Variants in WDFY3 observed in about 807,000 individuals in gnomAD.
WDFY3 encodes the protein WD repeat and FYVE domain-containing protein 3.
Under a neutral mutation model 409.6 loss-of-function variants are expected in WDFY3, and 66 were observed. That is an observed-to-expected ratio of 0.16 (90% CI 0.13 to 0.20). WDFY3 has a LOEUF of 0.20. WDFY3 is among the 10% of genes least tolerant of loss of function. WDFY3 has a pLI of 1.00. For missense variants in WDFY3, 3,031 were observed against 4,298.1 expected (o/e 0.71, Z 8.24); for synonymous variants, 1,521 against 1,537.1 (o/e 0.99, Z 0.25).
intron 13 of WDFY3, among the ~76,000 whole-genome samples, chr4:84,811,289 G>A (rs373757070): frequency 2.6e-5 from 4 of 152,172 alleles, no homozygotes; most frequent in African/African-American, 9.6e-5. Flanking sequence ...GTGAGCCACC[G>A]CCCTGGCCAG....
chr4:84,812,590 T>G (rs1752683357), intron 13 of WDFY3, among the ~76,000 whole-genome samples: 1 of 152,124 alleles, frequency 6.6e-6, no homozygotes. Flanking sequence ...CTATCATCAA[T>G]TTTCAAAAAC....
At chr4:84,954,923 G>A (rs1289527134) in intron 1 of WDFY3, among the ~76,000 whole-genome samples, 2 of 152,126 alleles carry the variant, frequency 1.3e-5, no homozygotes, top group Non-Finnish European at 2.9e-5. Context: ...AGCTCCCAGT[G>A]GCCAGGCACA....
At chr4:84,866,029 C>G (rs1279003357) in intron 3 of WDFY3, among the ~76,000 whole-genome samples, 3 of 152,072 alleles carry the variant, frequency 2.0e-5, no homozygotes, top group African/African-American at 7.2e-5. Flanking sequence ...CATGAGCATG[C>G]CACTGTACTC....
At position 84,803,412 on chromosome 4, in the gene WDFY3, C is replaced by T. The variant is rs368147903; in HGVS notation, c.2485G>A (p.Asp829Asn). 50 of 1,613,762 alleles carry T rather than the reference C, an allele frequency of 3.1e-5. No individual in the cohort carries two copies. The highest frequency in any genetic ancestry group is 1.6e-4 in the Middle Eastern group (1 of 6,080). Residue 829 changes from aspartate (D) to asparagine (N), a missense_variant, in exon 16 of 68, where the codon GAC (aspartate) becomes AAC (asparagine). By Grantham distance (23) the Asp-to-Asn change is conservative. Coordinates refer to ENST00000295888, the MANE Select transcript of WDFY3 (RefSeq NM_014991.6). The stretch of plus-strand genomic sequence containing the variant: ...GAAGTTGTCACATGTAGTTTCAGGT[C>T]GGCAACATTTTTAGGAGGGTAAACA... ...PPVYPPKNVA[D>N]LKLHVTTSSL...
At chr4:84,939,566 C>G (rs1198541137) in intron 1 of WDFY3, among the ~76,000 whole-genome samples, 1 of 152,022 alleles carries the variant, frequency 6.6e-6, no homozygotes, top group African/African-American at 2.4e-5. Flanking sequence ...AAAGAGCCTT[C>G]CTTTCTCCTC....
At chr4:84,824,630 T>C (rs1423825208) in intron 10 of WDFY3, among the ~76,000 whole-genome samples, 1 of 152,134 alleles carries the variant, frequency 6.6e-6, no homozygotes, top group Non-Finnish European at 1.5e-5. Flanking sequence ...CAAGGAAACT[T>C]TCTAGACGGT....
intron 34 of WDFY3, 141 bp from the exon 35 acceptor site, chr4:84,754,017 A>T: frequency 1.1e-6 from 1 of 908,040 alleles, no homozygotes; most frequent in Non-Finnish European, 1.5e-6. Context: ...CATATGAGCA[A>T]ACACACATGT....
chr4:84,717,823 C>T (rs573169914), intron 48 of WDFY3, among the ~76,000 whole-genome samples: 25 of 152,038 alleles, frequency 1.6e-4, no homozygotes, highest in South Asian at 1.0e-3. Flanking sequence ...CCGAGGCGGG[C>T]GGATCACAAG....
intron 30 of WDFY3, among the ~76,000 whole-genome samples, chr4:84,772,380 T>A (rs1744818435): frequency 6.6e-6 from 1 of 152,292 alleles, no homozygotes. Context: ...TTTTATATTA[T>A]ACTTACATAA....
intron 42 of WDFY3, among the ~76,000 whole-genome samples, chr4:84,735,401 C>A (rs374026064): frequency 2.0e-5 from 3 of 152,116 alleles, no homozygotes; most frequent in Non-Finnish European, 4.4e-5. Context: ...AGAGGGCCGA[C>A]GGGGTGCCCC....
At chr4:84,851,783 GTAA>G (rs1477767468) in intron 4 of WDFY3, among the ~76,000 whole-genome samples, 1 of 152,056 alleles carries the variant, frequency 6.6e-6, no homozygotes, top group Non-Finnish European at 1.5e-5. Context: ...TCTGTGAGAG[GTAA>G]GTTCTAAGAC....
At chr4:84,917,088 T>C (rs889876043) in intron 2 of WDFY3, among the ~76,000 whole-genome samples, 8 of 152,212 alleles carry the variant, frequency 5.3e-5, no homozygotes, top group Admixed American at 1.3e-4. Flanking sequence ...TTCGTGTGTG[T>C]GTGCGTTTAA....
chr4:84,838,902 C>A (rs1020625362), intron 6 of WDFY3, among the ~76,000 whole-genome samples: 1 of 151,950 alleles, frequency 6.6e-6, no homozygotes, highest in Non-Finnish European at 1.5e-5. Flanking sequence ...CTATCTTTTT[C>A]TGCTTCATCT....
At chr4:84,834,240 C>A (rs939589305) in intron 7 of WDFY3, among the ~76,000 whole-genome samples, 1 of 152,188 alleles carries the variant, frequency 6.6e-6, no homozygotes, top group African/African-American at 2.4e-5. Flanking sequence ...GCAAGGATTT[C>A]TTGAATTTGT....
chr4:84,696,886 A>G, intron 56 of WDFY3, 63 bp from the exon 57 acceptor site: 1 of 1,427,908 alleles, frequency 7.0e-7, no homozygotes, highest in Non-Finnish European at 9.8e-7. Context: ...GTAACTTTAT[A>G]TTAATCTGAC....
At chr4:84,914,133 T>C (rs1768144703) in intron 2 of WDFY3, among the ~76,000 whole-genome samples, 1 of 152,006 alleles carries the variant, frequency 6.6e-6, no homozygotes, top group Non-Finnish European at 1.5e-5. Flanking sequence ...CAACAGTAGG[T>C]TATTAGGGCC....
chr4:84,827,176 A>C (rs1754986110), intron 9 of WDFY3, among the ~76,000 whole-genome samples, 195 bp from the exon 10 acceptor site: 1 of 152,038 alleles, frequency 6.6e-6, no homozygotes, highest in Non-Finnish European at 1.5e-5. Flanking sequence ...GGGTTGCAAC[A>C]AATACCCTTT....
At chr4:84,847,602 T>TAAA (rs757064066) in intron 5 of WDFY3, among the ~76,000 whole-genome samples, 5 of 79,096 alleles carry the variant, frequency 6.3e-5, no homozygotes, top group African/African-American at 1.9e-4. Context: ...CCGTCTCTAC[T>TAAA]AAAAAAAAAA....
At chr4:84,715,581 T>G (rs1268994756) in intron 49 of WDFY3, among the ~76,000 whole-genome samples, 198 bp from the exon 50 acceptor site, 1 of 152,018 alleles carries the variant, frequency 6.6e-6, no homozygotes, top group Non-Finnish European at 1.5e-5. Context: ...GAGACCATCC[T>G]GGCTAACACA....
Sources: allele counts gnomAD v4.1 joint callset (sites outside exome capture counted in the v4.1 genomes callset), GRCh38; gene constraint gnomAD v4.1.1; transcripts MANE v1.5; gene names NCBI Gene and HGNC (gene_info 2026-07-23, HGNC 2026-07-21).